DCAF8L2: variants seen among roughly 807,000 people sequenced by gnomAD.
The protein encoded by DCAF8L2 is DDB1- and CUL4-associated factor 8-like protein 2.
For missense variants in DCAF8L2, 430 were observed against 490.7 expected (o/e 0.88, Z 1.17); for synonymous variants, 200 against 190.9 (o/e 1.05, Z -0.39).
At chrX:27,574,620 G>C in the DCAF8L2 span, among the ~76,000 whole-genome samples, 1 of 112,156 alleles carries the variant, frequency 8.9e-6, no homozygotes, top group Admixed American at 9.4e-5. Context: ...CCCATGTAGT[G>C]TAGCAATGGC....
intron 4 of DCAF8L2, among the ~76,000 whole-genome samples, chrX:27,738,061 T>C (rs914490211): frequency 6.3e-5 from 7 of 111,572 alleles, no homozygotes; most frequent in South Asian, 3.7e-4. Flanking sequence ...CCCATCTTTT[T>C]CTTTGATTGA....
upstream of DCAF8L2, among the ~76,000 whole-genome samples, chrX:27,586,014 C>A (rs1054115489): frequency 3.6e-5 from 4 of 111,646 alleles, no homozygotes; most frequent in Non-Finnish European, 5.6e-5. Flanking sequence ...CATCCACTAA[C>A]ACACACCATC....
chrX:27,513,115 A>C, the DCAF8L2 span, among the ~76,000 whole-genome samples: 2 of 111,899 alleles, frequency 1.8e-5, no homozygotes, highest in African/African-American at 6.5e-5. Context: ...AAATACTTAA[A>C]TGTAAAACAA....
rs1209372764 is a variant in DCAF8L2 at position 27,747,788 on chromosome X, G to A, written c.893G>A (p.Arg298Gln). 1 of 1,207,580 alleles carries A rather than the reference G, an allele frequency of 8.3e-7. No individual in the cohort carries two copies. Among genetic ancestry groups the A allele is most frequent in the Non-Finnish European group, 1.1e-6 (1 of 893,632 alleles). Residue 298 changes from arginine (R) to glutamine (Q), a missense_variant, in exon 5 of 5, where the codon CGG (arginine) becomes CAG (glutamine). Physicochemically the swap from Arg to Gln is conservative, Grantham distance 43. Transcript: ENST00000451261. ...ATGTGTGCCCGTGATGGGCAGGTACGGGTAGCAGAGTTAATTAATGCATCA... is the reference window on the plus strand; with the variant it reads ...ATGTGTGCCCGTGATGGGCAGGTACAGGTAGCAGAGTTAATTAATGCATCA... ...LAMCARDGQV[R>Q]VAELINASYF...
intron 1 of DCAF8L2, among the ~76,000 whole-genome samples, chrX:27,618,881 GT>G (rs199676900): frequency 7.3e-5 from 8 of 109,324 alleles, no homozygotes; most frequent in African/African-American, 2.7e-4. Flanking sequence ...AAAAGGTTTA[GT>G]TTTTTTTTAA....
the DCAF8L2 span, among the ~76,000 whole-genome samples, chrX:27,471,547 A>G: frequency 1.8e-5 from 2 of 110,945 alleles, no homozygotes; most frequent in Non-Finnish European, 3.8e-5. Context: ...CCACGCCCCT[A>G]TATTTTCATA....
intron 3 of DCAF8L2, among the ~76,000 whole-genome samples, chrX:27,684,202 A>G (rs1382296417): frequency 8.9e-6 from 1 of 111,881 alleles, no homozygotes; most frequent in Non-Finnish European, 1.9e-5. Context: ...CCAAAGGAGA[A>G]GAAGTGACAG....
At chrX:27,716,419 A>G (rs1249920076) in intron 4 of DCAF8L2, among the ~76,000 whole-genome samples, 1 of 112,823 alleles carries the variant, frequency 8.9e-6, no homozygotes, top group Non-Finnish European at 1.9e-5. Flanking sequence ...ATAATAGGTC[A>G]TGAAAAATAC....
At chrX:27,479,369 A>ATCT in the DCAF8L2 span, among the ~76,000 whole-genome samples, 12 of 111,423 alleles carry the variant, frequency 1.1e-4, no homozygotes, top group Non-Finnish European at 1.9e-4. Context: ...GCCAGCAGAT[A>ATCT]GATATAAGCT....
Position 27,747,180 on chromosome X carries a change from G to A in DCAF8L2, c.285G>A (p.Met95Ile), listed in dbSNP as rs757832106. Reference sequence around the variant, plus strand: ...TGGAGGACTTTGAGCATTTCCTCATGAGTGGTGAAAGTTTATTCCATTACC... The same window carrying A: ...TGGAGGACTTTGAGCATTTCCTCATAAGTGGTGAAAGTTTATTCCATTACC... ...ESLEDFEHFL[M>I]SGESLFHYPL... The change falls in exon 5 of 5, where the codon ATG (methionine) becomes ATA (isoleucine). Residue 95 changes from methionine (M) to isoleucine (I), a missense_variant. Coordinates refer to ENST00000451261, the MANE Select transcript of DCAF8L2 (RefSeq NM_001353450.2). 7.1e-5 allele frequency: 83 copies of A among 1,164,208 alleles called. No individual in the cohort carries two copies. Among genetic ancestry groups the A allele is most frequent in the Non-Finnish European group, 8.7e-5 (76 of 872,232 alleles).
chrX:27,574,059 G>C, the DCAF8L2 span, among the ~76,000 whole-genome samples: 2 of 109,971 alleles, frequency 1.8e-5, no homozygotes, highest in African/African-American at 3.3e-5. Context: ...TGAACTCCTA[G>C]CCTCAAGTGA....
chrX:27,654,665 T>C (rs1328356407), intron 2 of DCAF8L2, among the ~76,000 whole-genome samples: 3 of 111,695 alleles, frequency 2.7e-5, no homozygotes, highest in South Asian at 3.7e-4. Flanking sequence ...AAATATTCTA[T>C]ATTGTATTGT....
upstream of DCAF8L2, among the ~76,000 whole-genome samples, chrX:27,586,549 C>T (rs181274747): frequency 9.0e-6 from 1 of 111,267 alleles, no homozygotes. Flanking sequence ...TCTGACATGC[C>T]ACCCATTCTC....
At chrX:27,567,010 T>C in the DCAF8L2 span, among the ~76,000 whole-genome samples, 1 of 111,599 alleles carries the variant, frequency 9.0e-6, no homozygotes, top group East Asian at 2.8e-4. Context: ...GTTGTTTAGT[T>C]TCCACATATT....
chrX:27,606,661 G>A (rs1176888546), intron 1 of DCAF8L2, among the ~76,000 whole-genome samples: 4 of 108,701 alleles, frequency 3.7e-5, no homozygotes, highest in Non-Finnish European at 7.6e-5. Flanking sequence ...GTGAGCCACC[G>A]TGCCTGGCCA....
chrX:27,501,216 C>G, the DCAF8L2 span, among the ~76,000 whole-genome samples: 4 of 105,841 alleles, frequency 3.8e-5, no homozygotes, highest in South Asian at 1.9e-3. Context: ...CCCTGCCCCC[C>G]ACAGCTCCTC....
In DCAF8L2 at chrX:27,747,520, T is replaced by C; in HGVS notation, c.625T>C (p.Cys209Arg). ...ACGTCCCCGCTTTGTATATGAGGCCTGTGGGGCAAGAGCCTTTGTGCAGCG... is the reference window on the plus strand; with the variant it reads ...ACGTCCCCGCTTTGTATATGAGGCCCGTGGGGCAAGAGCCTTTGTGCAGCG... ...GSRPRFVYEA[C>R]GARAFVQRFR... The change falls in exon 5 of 5, where the codon TGT (cysteine) becomes CGT (arginine). Residue 209 changes from cysteine (C) to arginine (R), a missense_variant. By Grantham distance (180) the Cys-to-Arg change is radical. Transcript: ENST00000451261. 2 of 1,179,930 alleles carry C rather than the reference T, an allele frequency of 1.7e-6. No individual in the cohort carries two copies. The highest frequency in any genetic ancestry group is 3.1e-5 in the East Asian group (1 of 31,862).
the DCAF8L2 span, among the ~76,000 whole-genome samples, chrX:27,512,790 A>AC: frequency 1.8e-4 from 17 of 92,313 alleles, 1 homozygote; most frequent in South Asian, 5.6e-4. Flanking sequence ...AAAAAAAAAA[A>AC]AAAAAAAAAA....
the DCAF8L2 span, among the ~76,000 whole-genome samples, chrX:27,548,419 CA>C: frequency 9.0e-6 from 1 of 110,856 alleles, no homozygotes; most frequent in African/African-American, 3.3e-5. Flanking sequence ...GGATTTTAGC[CA>C]AAGAAGAGTT....
Sources: gnomAD v4.1 joint callset for allele counts (sites outside exome capture counted in the v4.1 genomes callset) on GRCh38, gnomAD v4.1.1 for gene constraint, MANE v1.5 for transcripts, NCBI Gene and HGNC (gene_info 2026-07-23, HGNC 2026-07-21) for gene names.